PRSS35: variants seen among roughly 807,000 people sequenced by gnomAD.
PRSS35 encodes serine protease 35, also known as inactive serine protease 35.
Under a neutral mutation model 8.1 loss-of-function variants are expected in PRSS35, and 7 were observed. The ratio of observed to expected loss-of-function variants is 0.86; its 90% CI spans 0.49 to 1.62. PRSS35 has a LOEUF of 1.62. Ranked by LOEUF, PRSS35 falls within the 40% of genes most tolerant of loss-of-function variation. PRSS35 has a pLI of 0.00. For synonymous variants in PRSS35, 199 were observed against 188.7 expected, an observed-to-expected ratio of 1.05 and a Z score of -0.45; for missense variants, 566 against 518.0, an observed-to-expected ratio of 1.09 and a Z score of -0.90.
chr6:83,514,366 A>C (rs190389684), intron 1 of PRSS35, among the ~76,000 whole-genome samples: 1 of 152,202 alleles, frequency 6.6e-6, no homozygotes, highest in Non-Finnish European at 1.5e-5. Context: ...ATAGCCCCCA[A>C]ACAAAGGGAG....
At chr6:83,520,647 C>A (rs111598531) in intron 1 of PRSS35, among the ~76,000 whole-genome samples, 137 of 152,238 alleles carry the variant, frequency 9.0e-4, no homozygotes, top group Middle Eastern at 3.4e-3. Flanking sequence ...TTGCTTTGTA[C>A]CAAGCCAGGT....
rs1259216000 is a variant in PRSS35 at position 83,524,697 on chromosome 6, C to T, written c.*14C>T. On this transcript the variant is annotated 3_prime_UTR_variant, in exon 2 of 2. Coordinates refer to ENST00000369700, the MANE Select transcript of PRSS35 (RefSeq NM_153362.3). The stretch of plus-strand genomic sequence containing the variant: ...GCTTACGGCTAACAGAGACCTGAAA[C>T]AGGGCGGTGTATCATCTAAATCACA... The T allele has an allele frequency of 6.3e-7, 1 of 1,587,854 alleles. No homozygotes were observed. The highest frequency in any genetic ancestry group is 8.6e-7 in the Non-Finnish European group (1 of 1,168,214).
In PRSS35 at chr6:83,524,388, G is replaced by C. The variant is rs777750441; in HGVS notation, c.947G>C (p.Arg316Thr). 6.2e-7 allele frequency: 1 copy of C among 1,614,210 alleles called. No individual in the cohort carries two copies. The highest frequency in any genetic ancestry group is 1.1e-5 in the South Asian group (1 of 91,088). Reference protein sequence around the residue: ...MIHFSGFDNDRADQLVYRFCS... With the variant: ...MIHFSGFDNDTADQLVYRFCS... ...CACTTCTCAGGATTTGATAACGATA[G>C]GGCTGATCAGTTGGTCTATCGGTTT... is the stretch of plus-strand genomic sequence containing the variant. Residue 316 changes from arginine (R) to threonine (T), a missense_variant, in exon 2 of 2, where the codon AGG (arginine) becomes ACG (threonine). Coordinates refer to ENST00000369700, the MANE Select transcript of PRSS35 (RefSeq NM_153362.3).
In PRSS35 at chr6:83,525,247, A is replaced by C. The variant is rs1024927192; in HGVS notation, c.*564A>C. The C allele has an allele frequency of 6.0e-6, 1 of 167,010 alleles. No individual in the cohort carries two copies. Among genetic ancestry groups the C allele is most frequent in the African/African-American group, 2.4e-5 (1 of 41,468 alleles). 10.3% of individuals were successfully genotyped at this position (167,010 alleles called of 1,614,324 possible). A position where few individuals can be genotyped will look rare whatever the true frequency, so the allele number is the denominator to read the frequency against. ...TAGTTTAGTTTTTTTGAAGAATTAC[A>C]AATCAGAAGAAAAAGCAAGCATTAT... is the stretch of plus-strand genomic sequence containing the variant. On this transcript the variant is annotated 3_prime_UTR_variant, in exon 2 of 2. Transcript: ENST00000369700.
chr6:83,523,546 C>T lies in PRSS35; in HGVS notation c.105C>T (p.Pro35=). The T allele has an allele frequency of 1.2e-6, 2 of 1,614,080 alleles. No individual in the cohort carries two copies. Among genetic ancestry groups the T allele is most frequent in the East Asian group, 2.2e-5 (1 of 44,870 alleles). ...TTATGTGGCACTTGAGAAAGGTACC[C>T]CGGATTGTCAGTGAAAGGACTTTCC... ...WDFMWHLRKV[P]RIVSERTFHL... Residue 35 remains proline (P), a synonymous_variant, in exon 2 of 2, where the codon CCC becomes CCT. Transcript: ENST00000369700.
Position 83,523,762 on chromosome 6 carries a change from G to T in PRSS35, c.321G>T (p.Pro107=). 1.9e-6 allele frequency: 3 copies of T among 1,614,082 alleles called. No individual in the cohort carries two copies. The highest frequency in any genetic ancestry group is 2.7e-5 in the African/African-American group (2 of 75,060). Residue 107 remains proline (P), a synonymous_variant, in exon 2 of 2, where the codon CCG becomes CCT. Coordinates refer to ENST00000369700, the MANE Select transcript of PRSS35 (RefSeq NM_153362.3). ...AAGTTCAAGATTTGGTTCTTGAGCC[G>T]ACTCAAAATATCACCACAAAGGGAG... The part of the protein sequence containing the change: ...RVKVQDLVLE[P]TQNITTKGVS...
At chr6:83,519,099 A>G (rs1771774106) in intron 1 of PRSS35, among the ~76,000 whole-genome samples, 1 of 152,230 alleles carries the variant, frequency 6.6e-6, no homozygotes, top group Admixed American at 6.5e-5. Flanking sequence ...AAATAACAAA[A>G]GGGTAATAGT....
At chr6:83,515,971 T>C (rs1171110) in intron 1 of PRSS35, among the ~76,000 whole-genome samples, 111,124 of 151,802 alleles carry the variant, frequency 0.73, 40,890 homozygotes, top group East Asian at 0.86. Context: ...CACAACAGCA[T>C]GCCTGGCTAA....
At chr6:83,514,267 A>G (rs1364082000) in intron 1 of PRSS35, among the ~76,000 whole-genome samples, 1 of 152,198 alleles carries the variant, frequency 6.6e-6, no homozygotes, top group East Asian at 1.9e-4. Flanking sequence ...CATATGAAAG[A>G]GTCCTCTTGG....
Position 83,519,770 on chromosome 6 carries a change from G to A in PRSS35, c.-20-3652G>A, listed in dbSNP as rs1019013514. ...GCCCTTCCCATACCCAAGGGTAGAC[G>A]TGGGCATGGTTTTTATTCCTGTGGT... is the stretch of plus-strand genomic sequence containing the variant. On this transcript the variant is annotated intron_variant, in intron 1 of 1. Transcript: ENST00000369700. Among the ~76,000 whole-genome samples, 6 of 152,280 alleles carry A rather than the reference G, an allele frequency of 3.9e-5. No homozygotes were observed. The South Asian group carries it at 1.0e-3, about 26-fold the overall frequency.
At chr6:83,522,186 C>T (rs956205328) in intron 1 of PRSS35, among the ~76,000 whole-genome samples, 13 of 152,268 alleles carry the variant, frequency 8.5e-5, no homozygotes, top group Admixed American at 7.8e-4. Context: ...GCTGCATTGC[C>T]TCTGCTTTAT....
intron 1 of PRSS35, among the ~76,000 whole-genome samples, chr6:83,521,355 A>G (rs1019596777): frequency 6.6e-6 from 1 of 152,128 alleles, no homozygotes; most frequent in Non-Finnish European, 1.5e-5. Context: ...GAAAAATTGC[A>G]TAGAAGACAA....
Position 83,524,623 on chromosome 6 carries a change from A to C in PRSS35, c.1182A>C (p.Leu394=). The change falls in exon 2 of 2, where the codon CTA becomes CTC. Residue 394 remains leucine, a synonymous_variant. Coordinates refer to ENST00000369700, the MANE Select transcript of PRSS35 (RefSeq NM_153362.3). The stretch of plus-strand genomic sequence containing the variant: ...ACGTTGCTGTTCGCATCACTCCCCT[A>C]AAATACGCCCAGATTTGCCTCTGGA... ...DYNVAVRITP[L]KYAQICLWIH... 1 of 1,614,040 alleles carries C rather than the reference A, an allele frequency of 6.2e-7. No homozygotes were observed. Among genetic ancestry groups the C allele is most frequent in the Non-Finnish European group, 8.5e-7 (1 of 1,179,994 alleles).
intron 1 of PRSS35, among the ~76,000 whole-genome samples, chr6:83,520,491 C>T (rs1583459060): frequency 2.0e-5 from 3 of 152,146 alleles, no homozygotes; most frequent in South Asian, 2.1e-4. Flanking sequence ...CCTTTGAGAA[C>T]CCCTGGTCTG....
Position 83,513,292 on chromosome 6 carries a change from TAA to T in PRSS35, c.-21+599_-21+600del, listed in dbSNP as rs1347774919. On this transcript the variant is annotated intron_variant, in intron 1 of 1. Transcript: ENST00000369700. The stretch of plus-strand genomic sequence containing the variant: ...TGGGGGTTGTACTTTTCTCTCAACT[TAA>T]TACTTTTCTCTGTGCTTTTGTGTAG... Among the ~76,000 whole-genome samples the T allele has an allele frequency of 6.6e-5, 10 of 152,326 alleles. No homozygotes were observed. In the South Asian group the frequency reaches 1.9e-3, roughly 28 times the overall value.
chr6:83,514,139 T>C (rs1235214291), intron 1 of PRSS35, among the ~76,000 whole-genome samples: 3 of 152,178 alleles, frequency 2.0e-5, no homozygotes, highest in South Asian at 2.1e-4. Flanking sequence ...ATTGTGACCA[T>C]AGATGCTTTA....
At chr6:83,516,439 G>A (rs1408642537) in intron 1 of PRSS35, among the ~76,000 whole-genome samples, 3 of 151,820 alleles carry the variant, frequency 2.0e-5, no homozygotes, top group East Asian at 2.0e-4. Flanking sequence ...AGCCGGGCAT[G>A]GTGGCGGGCG....
chr6:83,517,176 G>C (rs1771738954), intron 1 of PRSS35, among the ~76,000 whole-genome samples: 1 of 152,104 alleles, frequency 6.6e-6, no homozygotes. Context: ...TAATAAATGT[G>C]GGAAATAATG....
At chr6:83,519,240 A>C (rs1325747059) in intron 1 of PRSS35, among the ~76,000 whole-genome samples, 2 of 152,058 alleles carry the variant, frequency 1.3e-5, no homozygotes, top group African/African-American at 4.8e-5. Context: ...ATTCCCTTCT[A>C]CTCAATCTGT....
Sources: allele counts gnomAD v4.1 joint callset (sites outside exome capture counted in the v4.1 genomes callset), GRCh38; gene constraint gnomAD v4.1.1; transcripts MANE v1.5; gene names NCBI Gene and HGNC (gene_info 2026-07-23, HGNC 2026-07-21).